The following PCNX2 variants were observed in gnomAD, a reference collection of about 807,000 sequenced individuals.
PCNX2 encodes the protein pecanex-like protein 2.
A neutral mutation model predicts 223.8 loss-of-function variants in PCNX2; 168 were observed. The observed-to-expected ratio is 0.75, with a 90% CI of 0.66 to 0.85. The LOEUF (loss-of-function observed/expected upper bound fraction) is 0.85. Ranked by LOEUF, PCNX2 falls within the 40% of genes least tolerant of loss-of-function variation. The pLI is 0.00. For missense variants in PCNX2, 2,507 were observed against 2,675.5 expected (o/e 0.94, Z 1.39); for synonymous variants, 1,006 against 1,052.6 (o/e 0.96, Z 0.86).
At chr1:233,263,256 A>G (rs1045712411) in intron 1 of PCNX2, 93 bp from the exon 2 acceptor site, 1 of 1,046,840 alleles carries the variant, frequency 9.6e-7, no homozygotes, top group African/African-American at 1.6e-5. Context: ...TCTATTGAAT[A>G]TAAATTAGGC....
At chr1:233,143,286 C>T (rs1297336604) in intron 19 of PCNX2, among the ~76,000 whole-genome samples, 1 of 152,182 alleles carries the variant, frequency 6.6e-6, no homozygotes, top group African/African-American at 2.4e-5. Flanking sequence ...CACTTCGGGG[C>T]AAAGCTGAAA....
chr1:233,189,256 G>A (rs567712059), intron 15 of PCNX2, among the ~76,000 whole-genome samples: 2 of 152,142 alleles, frequency 1.3e-5, no homozygotes, highest in African/African-American at 2.4e-5. Flanking sequence ...CTTCCTTATC[G>A]ATTACATGGA....
intron 1 of PCNX2, among the ~76,000 whole-genome samples, chr1:233,280,745 A>C (rs1661152067): frequency 6.6e-6 from 1 of 152,264 alleles, no homozygotes; most frequent in Non-Finnish European, 1.5e-5. Context: ...TTGGTCAATA[A>C]ATAAACATTT....
chr1:233,267,740 G>T (rs1248713550), intron 1 of PCNX2, among the ~76,000 whole-genome samples: 1 of 152,106 alleles, frequency 6.6e-6, no homozygotes, highest in South Asian at 2.1e-4. Context: ...TGTATGGCTA[G>T]AACACATTTT....
chr1:233,200,147 G>A lies in PCNX2; in HGVS notation c.2974+7C>T, dbSNP rs747237131. ...TTTACAGGAAGAATAGAATGTAAACGACTTACCAGAACCACCAAAAAACAG... is the reference window on the plus strand; with the variant it reads ...TTTACAGGAAGAATAGAATGTAAACAACTTACCAGAACCACCAAAAAACAG... On this transcript the variant is annotated splice_region_variant and intron_variant, in intron 14 of 33. Transcript: ENST00000258229. 84 of 1,548,986 alleles carry A rather than the reference G, an allele frequency of 5.4e-5. No homozygotes were observed. The highest frequency in any genetic ancestry group is 1.3e-4 in the Admixed American group (7 of 53,236).
intron 8 of PCNX2, among the ~76,000 whole-genome samples, chr1:233,248,631 A>G (rs1399982417): frequency 6.6e-6 from 1 of 152,064 alleles, no homozygotes; most frequent in Admixed American, 6.6e-5. Context: ...TGGACCCAAG[A>G]CTGTTCAGTT....
At chr1:233,301,813 C>G in the PCNX2 span, among the ~76,000 whole-genome samples, 1 of 44,076 alleles carries the variant, frequency 2.3e-5, no homozygotes, top group Non-Finnish European at 5.2e-5. Flanking sequence ...TTTTTTTTTT[C>G]CAGAGTCTTG....
Position 233,014,658 on chromosome 1 carries a change from C to T in PCNX2, c.4952+7G>A. On this transcript the variant is annotated splice_region_variant and intron_variant, in intron 28 of 33. Transcript: ENST00000258229. ...CCTAAGAGATTCTAACTTCTCCCCC[C>T]AGGTACCTGATGGCCATATTGTGAG... 2 of 1,611,498 alleles carry T rather than the reference C, an allele frequency of 1.2e-6. No individual in the cohort carries two copies. The highest frequency in any genetic ancestry group is 1.1e-5 in the South Asian group (1 of 91,010).
At chr1:233,171,917 TCTCTC>T (rs1036644863) in intron 17 of PCNX2, among the ~76,000 whole-genome samples, 1 of 152,140 alleles carries the variant, frequency 6.6e-6, no homozygotes, top group African/African-American at 2.4e-5. Flanking sequence ...GGTACTTTCT[TCTCTC>T]CTTATCTTTC....
chr1:233,307,203 T>C, the PCNX2 span, among the ~76,000 whole-genome samples: 1 of 152,210 alleles, frequency 6.6e-6, no homozygotes, highest in African/African-American at 2.4e-5. Flanking sequence ...ACTTTGGATA[T>C]TTATTCCTTC....
At chr1:233,114,640 G>A (rs898322062) in intron 21 of PCNX2, among the ~76,000 whole-genome samples, 5 of 152,168 alleles carry the variant, frequency 3.3e-5, no homozygotes, top group African/African-American at 1.2e-4. Context: ...CTGATGGCTC[G>A]TCTCAACCCA....
At chr1:233,025,703 T>C (rs1044453924) in intron 25 of PCNX2, 16 of 400,314 alleles carry the variant, frequency 4.0e-5, no homozygotes, top group South Asian at 2.3e-4. Flanking sequence ...GAGGCAGTAG[T>C]TGACAAACAG....
chr1:233,304,494 C>T, the PCNX2 span, among the ~76,000 whole-genome samples: 39 of 152,154 alleles, frequency 2.6e-4, no homozygotes, highest in African/African-American at 9.2e-4. Flanking sequence ...ATGTGTTTAC[C>T]CAAGAGTAAG....
At chr1:233,318,317 C>T in the PCNX2 span, among the ~76,000 whole-genome samples, 3 of 152,026 alleles carry the variant, frequency 2.0e-5, no homozygotes, top group South Asian at 2.1e-4. Flanking sequence ...TATTTTTCCT[C>T]ACCCCTCCCT....
chr1:233,145,934 G>A (rs1300387324), intron 19 of PCNX2, among the ~76,000 whole-genome samples: 2 of 152,058 alleles, frequency 1.3e-5, no homozygotes, highest in Non-Finnish European at 2.9e-5. Flanking sequence ...ATATACTGGT[G>A]TAGCATCTCA....
At chr1:233,169,579 A>T (rs368776145) in intron 17 of PCNX2, among the ~76,000 whole-genome samples, 1 of 148,524 alleles carries the variant, frequency 6.7e-6, no homozygotes, top group African/African-American at 2.5e-5. Flanking sequence ...CGGGAGGCGG[A>T]GCTTGCAGTG....
intron 25 of PCNX2, chr1:233,047,388 C>G: frequency 1.0e-6 from 1 of 985,154 alleles, no homozygotes; most frequent in Non-Finnish European, 1.2e-6. Context: ...TAACTTGGAC[C>G]CTTTAAACTC....
chr1:233,200,348 T>A, intron 13 of PCNX2, 84 bp from the exon 14 acceptor site: 1 of 763,798 alleles, frequency 1.3e-6, no homozygotes, highest in Non-Finnish European at 2.0e-6. Context: ...TCTCTCCCCT[T>A]CCAAACCACC....
chr1:233,033,064 C>T lies in PCNX2; in HGVS notation c.4352-7665G>A, dbSNP rs1330446588. ...TCCAAAGGAAATGCTGAAGGTCAAC[C>T]CGCCCACACAGTGTGACCTTTCGAA... On this transcript the variant is annotated intron_variant, in intron 25 of 33. Coordinates refer to ENST00000258229, the MANE Select transcript of PCNX2 (RefSeq NM_014801.4). 4 of 985,274 alleles carry T rather than the reference C, an allele frequency of 4.1e-6. No homozygotes were observed. In the East Asian group the frequency reaches 3.4e-4, roughly 84 times the overall value. 61.0% of individuals were successfully genotyped at this position (985,274 alleles called of 1,614,324 possible).
Sources: gnomAD v4.1 joint callset for allele counts (sites outside exome capture counted in the v4.1 genomes callset) on GRCh38, gnomAD v4.1.1 for gene constraint, MANE v1.5 for transcripts, NCBI Gene and HGNC (gene_info 2026-07-23, HGNC 2026-07-21) for gene names.